ABTB2: variants seen among roughly 807,000 people sequenced by gnomAD.
ABTB2 encodes the protein ankyrin repeat and BTB/POZ domain-containing protein 2.
In ABTB2, 56 loss-of-function variants were observed where a neutral mutation model predicts 104.1. The ratio of observed to expected loss-of-function variants is 0.54; its 90% CI spans 0.43 to 0.67. The LOEUF is 0.67. Among genes scored for constraint, ABTB2 ranks in the 30% least tolerant of loss-of-function variants. ABTB2 has a pLI of 0.00. For missense variants in ABTB2, 1,279 were observed against 1,407.7 expected, an observed-to-expected ratio of 0.91 and a Z score of 1.46; for synonymous variants, 606 against 608.2, an observed-to-expected ratio of 1.00 and a Z score of 0.05.
chr11:34,156,062 C>T (rs181431878), intron 14 of ABTB2, among the ~76,000 whole-genome samples: 2 of 152,264 alleles, frequency 1.3e-5, no homozygotes, highest in East Asian at 3.9e-4. Context: ...GGCCTCAGGG[C>T]AGCCCCTAGG....
chr11:34,160,715 C>A (rs1590202239), intron 11 of ABTB2, among the ~76,000 whole-genome samples, 188 bp downstream of exon 11: 1 of 12,054 alleles, frequency 8.3e-5, no homozygotes. Context: ...GGCCTGGGTG[C>A]TGGGGGCGGG....
chr11:34,164,789 G>C lies in ABTB2; in HGVS notation c.1885C>G (p.Arg629Gly). The change falls in exon 9 of 17, where the codon CGA becomes GGA. Residue 629 changes from arginine to glycine, a missense_variant. By Grantham distance (125) the Arg-to-Gly change is moderately radical. Coordinates refer to ENST00000435224, the MANE Select transcript of ABTB2 (RefSeq NM_145804.3). ...NYELVSLLLS[R>G]GADPLLSMLE... ...ATGCTGAGGAGGGGGTCGGCGCCTC[G>C]GCTCAGCAACAAACTGACCAGCTCA... is the stretch of plus-strand genomic sequence containing the variant. 6.3e-7 allele frequency: 1 copy of C among 1,577,722 alleles called. No individual in the cohort carries two copies. The highest frequency in any genetic ancestry group is 8.6e-7 in the Non-Finnish European group (1 of 1,167,908).
At chr11:34,237,653 G>T (rs1414777255) in intron 1 of ABTB2, among the ~76,000 whole-genome samples, 1 of 152,164 alleles carries the variant, frequency 6.6e-6, no homozygotes, top group South Asian at 2.1e-4. Flanking sequence ...CCAGCACTTT[G>T]GGAGGCCAAG....
rs373970871 is a variant in ABTB2, at chr11:34,168,009, C to T, written c.1564-17G>A. 2 of 1,612,174 alleles carry T rather than the reference C, an allele frequency of 1.2e-6. No individual in the cohort carries two copies. The highest frequency in any genetic ancestry group is 1.3e-5 in the African/African-American group (1 of 74,888). ...CGTCATACCCTGAGCAAATCAAATG[C>T]ACGTGCTAAACTGTTTGCAAACAGA... On this transcript the variant is annotated splice_polypyrimidine_tract_variant and intron_variant, in intron 5 of 16. Coordinates refer to ENST00000435224, the MANE Select transcript of ABTB2 (RefSeq NM_145804.3).
chr11:34,238,336 A>G (rs1286841483), intron 1 of ABTB2, among the ~76,000 whole-genome samples: 3 of 152,224 alleles, frequency 2.0e-5, no homozygotes, highest in Non-Finnish European at 4.4e-5. Context: ...ATTCTCTGCA[A>G]TAACTTCTCC....
intron 1 of ABTB2, among the ~76,000 whole-genome samples, chr11:34,313,531 T>C (rs1158538141): frequency 6.6e-6 from 1 of 152,202 alleles, no homozygotes. Context: ...TCTTTTGGCC[T>C]CATACACAGC....
At chr11:34,325,015 G>T (rs1855052697) in intron 1 of ABTB2, among the ~76,000 whole-genome samples, 1 of 152,124 alleles carries the variant, frequency 6.6e-6, no homozygotes, top group Non-Finnish European at 1.5e-5. Context: ...GCCTGGGCTG[G>T]TCTCAAACTC....
chr11:34,209,750 GGGGTGGGGGT>G, intron 1 of ABTB2, among the ~76,000 whole-genome samples: 1 of 32,142 alleles, frequency 3.1e-5, no homozygotes, highest in African/African-American at 1.9e-4. Flanking sequence ...GGTGGGGGTA[GGGGTGGGGGT>G]AGGGTGGGGG....
chr11:34,197,351 G>T lies in ABTB2; in HGVS notation c.1218C>A (p.Pro406=). ...MESMENPNLD[P]PRMTLNNERP... ...GTTCATTGTTCAAGGTCATTCTCGG[G>T]GGGTCCAGGTTGGGGTTCTCCATGG... Residue 406 remains proline, a synonymous_variant, in exon 3 of 17, where the codon CCC becomes CCA. Transcript: ENST00000435224. The T allele has an allele frequency of 6.2e-7, 1 of 1,614,058 alleles. No individual in the cohort carries two copies. The highest frequency in any genetic ancestry group is 8.5e-7 in the Non-Finnish European group (1 of 1,180,010).
At chr11:34,272,503 T>C (rs2755163) in intron 1 of ABTB2, among the ~76,000 whole-genome samples, 20,915 of 151,492 alleles carry the variant, frequency 0.14, 4,209 homozygotes, top group African/African-American at 0.44. Flanking sequence ...GTCAGGAGAT[T>C]GAGACCATCC....
At chr11:34,311,724 G>A (rs1854857524) in intron 1 of ABTB2, among the ~76,000 whole-genome samples, 1 of 152,194 alleles carries the variant, frequency 6.6e-6, no homozygotes, top group African/African-American at 2.4e-5. Context: ...CTTTCCTAGG[G>A]TAATTATTAC....
intron 3 of ABTB2, among the ~76,000 whole-genome samples, chr11:34,181,223 C>A (rs930021381): frequency 1.8e-4 from 27 of 147,852 alleles, no homozygotes; most frequent in African/African-American, 6.2e-4. Context: ...TTTTAAGAGG[C>A]CCCTGCAGCC....
rs143332994 is a variant in ABTB2 at position 34,169,662 on chromosome 11, C to T, written c.1563+1244G>A. ...GAACCTGTGTGGACGGAGAGGCCCC[C>T]ACGAGATCCCACAGCAGCCTGTCAC... is the stretch of plus-strand genomic sequence containing the variant. On this transcript the variant is annotated intron_variant, in intron 5 of 16. Transcript: ENST00000435224. 3.5e-3 allele frequency among the ~76,000 whole-genome samples: 537 copies of T among 152,276 alleles called. 1 individual carries two copies. Among genetic ancestry groups the T allele is most frequent in the Non-Finnish European group, 5.3e-3 (360 of 68,012 alleles).
chr11:34,193,672 G>A (rs891677729), intron 3 of ABTB2, among the ~76,000 whole-genome samples: 3 of 152,364 alleles, frequency 2.0e-5, no homozygotes, highest in South Asian at 4.1e-4. Context: ...AAAGAAGGGC[G>A]TATGTTATCT....
At chr11:34,351,049 G>A (rs1590267244) in intron 1 of ABTB2, among the ~76,000 whole-genome samples, 2 of 152,204 alleles carry the variant, frequency 1.3e-5, no homozygotes, top group East Asian at 3.8e-4. Flanking sequence ...TAGAGGCGAA[G>A]CATCTACCCA....
At chr11:34,251,095 CTA>C (rs1424795532) in intron 1 of ABTB2, among the ~76,000 whole-genome samples, 1 of 152,212 alleles carries the variant, frequency 6.6e-6, no homozygotes, top group Non-Finnish European at 1.5e-5. Flanking sequence ...GATAAATCTT[CTA>C]CCCTGGCTTC....
intron 1 of ABTB2, among the ~76,000 whole-genome samples, chr11:34,242,139 G>A (rs1311494419): frequency 6.6e-6 from 1 of 152,206 alleles, no homozygotes; most frequent in Non-Finnish European, 1.5e-5. Flanking sequence ...CAGAAGAGTG[G>A]GCTTTTGCCT....
intron 1 of ABTB2, among the ~76,000 whole-genome samples, chr11:34,332,705 G>A (rs1451579961): frequency 2.6e-5 from 4 of 152,124 alleles, no homozygotes; most frequent in African/African-American, 9.6e-5. Flanking sequence ...TGCCTCTGTT[G>A]ATTTTGCTAA....
intron 1 of ABTB2, among the ~76,000 whole-genome samples, chr11:34,277,755 A>C (rs190046875): frequency 1.3e-3 from 191 of 151,710 alleles, no homozygotes; most frequent in African/African-American, 4.4e-3. Flanking sequence ...GTGACAGAGC[A>C]AGACTCTGTC....
Sources: gnomAD v4.1 joint callset for allele counts (sites outside exome capture counted in the v4.1 genomes callset) on GRCh38, gnomAD v4.1.1 for gene constraint, MANE v1.5 for transcripts, NCBI Gene and HGNC (gene_info 2026-07-23, HGNC 2026-07-21) for gene names.